The following RELN variants were observed in gnomAD, a reference collection of about 807,000 sequenced individuals.
The protein encoded by RELN is reelin.
In RELN, 108 loss-of-function variants were observed where a neutral mutation model predicts 427.6. The observed-to-expected ratio is 0.25, with a 90% confidence interval of 0.22 to 0.30. RELN has a LOEUF of 0.30. RELN is among the 10% of genes least tolerant of loss of function. The probability of loss-of-function intolerance (pLI) is 1.00; values close to 1 mark genes in which losing one functional copy is unlikely to be tolerated. For missense variants in RELN, 3,715 were observed against 4,302.8 expected (o/e 0.86, Z 3.82); for synonymous variants, 1,524 against 1,513.4 (o/e 1.01, Z -0.16).
chr7:103,753,017 G>T (rs1407016912), intron 5 of RELN, among the ~76,000 whole-genome samples, 165 bp downstream of exon 5: 1 of 152,188 alleles, frequency 6.6e-6, no homozygotes, highest in Non-Finnish European at 1.5e-5. Context: ...CCTCAAGGAG[G>T]TTCTGTGTTC....
intron 11 of RELN, among the ~76,000 whole-genome samples, chr7:103,671,905 T>C (rs986673355): frequency 6.6e-6 from 1 of 152,166 alleles, no homozygotes; most frequent in Non-Finnish European, 1.5e-5. Flanking sequence ...CTTAATATAA[T>C]GTTAACTCAG....
chr7:103,782,233 G>A (rs1305731058), intron 3 of RELN, among the ~76,000 whole-genome samples: 1 of 152,192 alleles, frequency 6.6e-6, no homozygotes, highest in African/African-American at 2.4e-5. Context: ...AAAAAAGCCT[G>A]TGATATTTTC....
intron 46 of RELN, among the ~76,000 whole-genome samples, chr7:103,525,197 G>T (rs147019290): frequency 1.3e-5 from 2 of 151,954 alleles, no homozygotes; most frequent in African/African-American, 4.8e-5. Flanking sequence ...GAAATGTCAG[G>T]TCCTCACAGA....
At chr7:103,621,635 G>A (rs996114804) in intron 20 of RELN, among the ~76,000 whole-genome samples, 31 of 152,162 alleles carry the variant, frequency 2.0e-4, no homozygotes, top group African/African-American at 7.0e-4. Context: ...CAAGGCAGGG[G>A]GCAGGGGAGG....
At position 103,660,142 on chromosome 7, in the gene RELN, A is replaced by AAATC. The variant is rs2117409237; in HGVS notation, c.1441+1230_1441+1233dup. Among the ~76,000 whole-genome samples the AAATC allele has an allele frequency of 2.0e-5, 3 of 152,284 alleles. 1 individual carries two copies. The South Asian group carries it at 6.2e-4, about 32-fold the overall frequency. On this transcript the variant is annotated intron_variant, in intron 12 of 64. Coordinates refer to ENST00000428762, the MANE Select transcript of RELN (RefSeq NM_005045.4). Reference sequence around the variant, plus strand: ...CAAATATGGTTAATTTATTATAATAAAATCAAAATATGGTATGAAATACAT... The same window carrying AAATC: ...CAAATATGGTTAATTTATTATAATAAAATCAATCAAAATATGGTATGAAATACAT...
rs1797163842 is a variant in RELN, at chr7:103,989,071, GAA to G, written c.226+58_226+59del. Reference sequence around the variant, plus strand: ...CCCCTTGGAAGAAGGAAAGGGATGAGAAAGGTGCGCTGGCGGGCGCACCCGGC... The same window carrying G: ...CCCCTTGGAAGAAGGAAAGGGATGAGAGGTGCGCTGGCGGGCGCACCCGGC... On this transcript the variant is annotated intron_variant, in intron 1 of 64. Coordinates refer to ENST00000428762, the MANE Select transcript of RELN (RefSeq NM_005045.4). The surrounding 1 kb of genome is among the most constrained non-coding windows in gnomAD (Gnocchi z 4.9). 4 of 1,461,396 alleles carry G rather than the reference GAA, an allele frequency of 2.7e-6. No homozygotes were observed. The highest frequency in any genetic ancestry group is 1.7e-5 in the Admixed American group (1 of 59,694). The allele number at this position is 1,461,396 out of a possible 1,614,324, so 90.5% of individuals were successfully genotyped here.
intron 16 of RELN, among the ~76,000 whole-genome samples, chr7:103,642,682 A>G (rs1400897725): frequency 2.0e-5 from 3 of 152,142 alleles, no homozygotes; most frequent in Non-Finnish European, 4.4e-5. Context: ...CATTCTTTTC[A>G]TAGGCTTACA....
At chr7:103,502,413 A>C (rs1035686355) in intron 52 of RELN, among the ~76,000 whole-genome samples, 5 of 152,314 alleles carry the variant, frequency 3.3e-5, no homozygotes, top group African/African-American at 1.2e-4. Context: ...GTGTATCTTT[A>C]CTTTTAAAGT....
chr7:103,760,484 G>C (rs980436304), intron 4 of RELN, among the ~76,000 whole-genome samples: 1 of 152,030 alleles, frequency 6.6e-6, no homozygotes. Flanking sequence ...AAATATAGCA[G>C]CACTAATACA....
In RELN at chr7:103,824,477, G is replaced by T. The variant is rs1423614126; in HGVS notation, c.473+9060C>A. Among the ~76,000 whole-genome samples, 1 of 151,958 alleles carries T rather than the reference G, an allele frequency of 6.6e-6. No homozygotes were observed. Among genetic ancestry groups the T allele is most frequent in the Admixed American group, 6.6e-5 (1 of 15,220 alleles). Reference sequence around the variant, plus strand: ...AAGAAGCTCCTGACAATAGCTCCAGGCCCCATATAGGTTAAAACTCCAGAT... The same window carrying T: ...AAGAAGCTCCTGACAATAGCTCCAGTCCCCATATAGGTTAAAACTCCAGAT... On this transcript the variant is annotated intron_variant, in intron 3 of 64. Coordinates refer to ENST00000428762, the MANE Select transcript of RELN (RefSeq NM_005045.4). This position sits in a 1 kb window ranked among gnomAD's most constrained non-coding sequence, Gnocchi z 4.4.
intron 58 of RELN, 58 bp from the exon 59 acceptor site, chr7:103,490,887 A>G (rs1828627075): frequency 6.4e-7 from 1 of 1,557,072 alleles, no homozygotes; most frequent in Non-Finnish European, 8.8e-7. Flanking sequence ...TAATCTGTTA[A>G]TGTCAAGGTA....
intron 28 of RELN, among the ~76,000 whole-genome samples, chr7:103,584,128 G>T (rs368427637): frequency 6.6e-6 from 1 of 152,184 alleles, no homozygotes; most frequent in South Asian, 2.1e-4. Flanking sequence ...GTACTGCAAG[G>T]TCCCCCAGTT....
chr7:103,725,808 G>A (rs1250793239), intron 7 of RELN, among the ~76,000 whole-genome samples: 1 of 152,048 alleles, frequency 6.6e-6, no homozygotes, highest in African/African-American at 2.4e-5. Flanking sequence ...CTGTTAAAAA[G>A]AAACAAAAAC....
chr7:103,521,063 G>A (rs1187261819), intron 48 of RELN, among the ~76,000 whole-genome samples: 5 of 133,320 alleles, frequency 3.8e-5, no homozygotes, highest in African/African-American at 5.6e-5. Flanking sequence ...TGCAAGCTCC[G>A]CTTCCCGGGT....
intron 6 of RELN, among the ~76,000 whole-genome samples, chr7:103,728,450 A>C (rs550904104): frequency 2.0e-5 from 3 of 152,238 alleles, no homozygotes; most frequent in Non-Finnish European, 4.4e-5. Flanking sequence ...CCAAAGTTTC[A>C]GTTTCCTCAC....
rs1469412687 is a variant in RELN, at chr7:103,626,532, G to A, written c.2702+3408C>T. 6.6e-6 allele frequency among the ~76,000 whole-genome samples: 1 copy of A among 152,022 alleles called. No individual in the cohort carries two copies. The highest frequency in any genetic ancestry group is 2.4e-5 in the African/African-American group (1 of 41,406). On this transcript the variant is annotated intron_variant, in intron 20 of 64. Coordinates refer to ENST00000428762, the MANE Select transcript of RELN (RefSeq NM_005045.4). The surrounding 1 kb of genome is among the most constrained non-coding windows in gnomAD (Gnocchi z 4.4). Reference sequence around the variant, plus strand: ...CGCTCGGCTAGTTTGTGTATTTTCAGTAGAGATGGCGTTTTACCATGTTGG... The same window carrying A: ...CGCTCGGCTAGTTTGTGTATTTTCAATAGAGATGGCGTTTTACCATGTTGG...
At chr7:103,746,025 G>A (rs974822962) in intron 6 of RELN, among the ~76,000 whole-genome samples, 1 of 151,796 alleles carries the variant, frequency 6.6e-6, no homozygotes, top group African/African-American at 2.4e-5. Context: ...TATACTACAA[G>A]GCTACAGTAA....
chr7:103,529,421 G>T (rs1218895261), intron 46 of RELN, among the ~76,000 whole-genome samples: 2 of 151,546 alleles, frequency 1.3e-5, no homozygotes, highest in Non-Finnish European at 2.9e-5. Flanking sequence ...AGTCACACTT[G>T]AGCCTTTCAG....
At chr7:103,922,838 C>A (rs78808692) in intron 1 of RELN, among the ~76,000 whole-genome samples, 3,764 of 152,172 alleles carry the variant, frequency 0.025, 151 homozygotes, top group African/African-American at 0.086. Flanking sequence ...AAATTTTGAT[C>A]ATTTCCAGCA....
Sources: gnomAD v4.1 joint callset for allele counts (sites outside exome capture counted in the v4.1 genomes callset) on GRCh38, gnomAD v4.1.1 for gene constraint, Gnocchi (gnomAD v3.1) non-coding constraint, MANE v1.5 for transcripts, NCBI Gene and HGNC (gene_info 2026-07-23, HGNC 2026-07-21) for gene names.